CR1: variants seen among roughly 807,000 people sequenced by gnomAD.
CR1 encodes complement receptor type 1.
Under a neutral mutation model 187.3 loss-of-function variants are expected in CR1, and 116 were observed. That is an observed-to-expected ratio of 0.62 (90% CI 0.53 to 0.72). The LOEUF (loss-of-function observed/expected upper bound fraction) is 0.72, where lower values mean the gene tolerates loss of function less well. Ranked by LOEUF, CR1 falls within the 30% of genes least tolerant of loss-of-function variation. The probability of loss-of-function intolerance (pLI) is 0.00; values close to 1 mark genes in which losing one functional copy is unlikely to be tolerated. For missense variants in CR1, 1,731 were observed against 2,110.7 expected (o/e 0.82, Z 3.52); for synonymous variants, 576 against 747.1 (o/e 0.77, Z 3.73).
At chr1:207,518,076 T>C (rs1030684255) in intron 4 of CR1, among the ~76,000 whole-genome samples, 2 of 152,214 alleles carry the variant, frequency 1.3e-5, no homozygotes, top group Admixed American at 1.3e-4. Flanking sequence ...TTTATTTTTC[T>C]AATATGTACA....
intron 28 of CR1, among the ~76,000 whole-genome samples, chr1:207,576,373 C>T (rs1558241084): frequency 1.3e-5 from 2 of 152,142 alleles, no homozygotes; most frequent in Non-Finnish European, 2.9e-5. Context: ...CGAGATTGGG[C>T]GCATTCAGGG....
intron 45 of CR1, among the ~76,000 whole-genome samples, chr1:207,626,749 A>G (rs369937565): frequency 3.3e-5 from 5 of 152,278 alleles, no homozygotes; most frequent in Middle Eastern, 3.4e-3. Flanking sequence ...CTAAGAAACT[A>G]AAATGAGGCT....
chr1:207,592,307 C>T (rs1421064145), intron 35 of CR1, among the ~76,000 whole-genome samples: 1 of 152,158 alleles, frequency 6.6e-6, no homozygotes, highest in African/African-American at 2.4e-5. Flanking sequence ...AATCAATAAA[C>T]GTAATCCATC....
chr1:207,596,117 G>C (rs1469082498), intron 35 of CR1, among the ~76,000 whole-genome samples: 4 of 149,772 alleles, frequency 2.7e-5, no homozygotes, highest in African/African-American at 7.3e-5. Flanking sequence ...ATAATCAGAA[G>C]GGCGAAACCA....
At chr1:207,636,020 T>C (rs889332363) in intron 46 of CR1, among the ~76,000 whole-genome samples, 1 of 152,142 alleles carries the variant, frequency 6.6e-6, no homozygotes, top group Non-Finnish European at 1.5e-5. Flanking sequence ...GAGTCTCCTA[T>C]GTCTACTTCT....
At chr1:207,625,899 G>A (rs1662466382) in intron 45 of CR1, among the ~76,000 whole-genome samples, 1 of 152,150 alleles carries the variant, frequency 6.6e-6, no homozygotes, top group East Asian at 1.9e-4. Context: ...GGAGCAATTA[G>A]GGAAGTCACA....
intron 45 of CR1, among the ~76,000 whole-genome samples, chr1:207,623,776 C>T (rs1662393594): frequency 1.3e-5 from 2 of 152,084 alleles, no homozygotes; most frequent in South Asian, 4.1e-4. Context: ...CAGATCCTAT[C>T]ATAGCACTAG....
At chr1:207,588,919 G>T (rs934957285) in intron 35 of CR1, 145 bp downstream of exon 35, 2 of 610,498 alleles carry the variant, frequency 3.3e-6, no homozygotes, top group African/African-American at 3.7e-5. Context: ...TGATACGTTG[G>T]ACATAGCCAT....
At chr1:207,592,974 G>A (rs970935061) in intron 35 of CR1, among the ~76,000 whole-genome samples, 3 of 149,674 alleles carry the variant, frequency 2.0e-5, no homozygotes, top group African/African-American at 7.4e-5. Flanking sequence ...AACATTTCAC[G>A]ATTGTGGATA....
chr1:207,496,922 C>G (rs1375030769), intron 1 of CR1, among the ~76,000 whole-genome samples: 2 of 152,150 alleles, frequency 1.3e-5, no homozygotes, highest in Admixed American at 1.3e-4. Flanking sequence ...CTATGTGTCC[C>G]CGAGTCCATT....
intron 35 of CR1, among the ~76,000 whole-genome samples, chr1:207,596,155 A>C (rs2102365706): frequency 1.3e-5 from 2 of 151,426 alleles, no homozygotes; most frequent in South Asian, 4.1e-4. Context: ...AAGAGGGGTG[A>C]GAGAAACAAG....
intron 41 of CR1, among the ~76,000 whole-genome samples, chr1:207,617,507 ATGTGTGTGTGTGTGTGTGTGTGTG>A (rs1167357538): frequency 2.1e-5 from 1 of 47,010 alleles, no homozygotes; most frequent in African/African-American, 6.3e-5. Context: ...ATATATATAT[ATGTGTGTGTGTGTGTGTGTGTGTG>A]TGTGTGTATG....
At chr1:207,582,300 T>A (rs1445567474) in intron 32 of CR1, among the ~76,000 whole-genome samples, 1 of 152,216 alleles carries the variant, frequency 6.6e-6, no homozygotes, top group Non-Finnish European at 1.5e-5. Flanking sequence ...TTCTTTCCTG[T>A]CAAAAGTAAT....
intron 35 of CR1, chr1:207,606,019 CAAACAT>C (rs1022606634): frequency 5.3e-5 from 8 of 152,160 alleles, no homozygotes; most frequent in African/African-American, 1.9e-4. Flanking sequence ...AACAGGATCT[CAAACAT>C]AGATAGTAGT....
In CR1 at chr1:207,630,604, A is replaced by G; in HGVS notation, c.7440A>G (p.Thr2480=). Residue 2480 remains threonine, a synonymous_variant, in exon 46 of 47, where the codon ACA becomes ACG. Transcript: ENST00000367049. ...GCGTTCATCCCCGAACTCTGCAAAC[A>G]AATGAAGAAAATAGCAGGTACCTAT... The part of the protein sequence containing the change: ...GSSVHPRTLQ[T]NEENSRVLP 2 of 1,601,456 alleles carry G rather than the reference A, an allele frequency of 1.2e-6. No homozygotes were observed. Among genetic ancestry groups the G allele is most frequent in the Non-Finnish European group, 1.7e-6 (2 of 1,174,764 alleles).
At chr1:207,633,043 TA>T (rs905037939) in intron 46 of CR1, among the ~76,000 whole-genome samples, 2 of 152,172 alleles carry the variant, frequency 1.3e-5, no homozygotes, top group Non-Finnish European at 2.9e-5. Flanking sequence ...GAGTTCATTT[TA>T]AAAATATTCC....
chr1:207,611,176 T>C (rs1311977780), intron 37 of CR1, among the ~76,000 whole-genome samples: 1 of 152,128 alleles, frequency 6.6e-6, no homozygotes, highest in Non-Finnish European at 1.5e-5. Context: ...GAATTAGGAC[T>C]GGTCACAGGG....
At chr1:207,604,347 G>T (rs966826499) in intron 35 of CR1, among the ~76,000 whole-genome samples, 1 of 152,044 alleles carries the variant, frequency 6.6e-6, no homozygotes, top group Non-Finnish European at 1.5e-5. Context: ...TAATTATTCA[G>T]TTTTATCAGT....
chr1:207,518,387 A>G (rs1659867870), intron 4 of CR1, among the ~76,000 whole-genome samples: 1 of 152,238 alleles, frequency 6.6e-6, no homozygotes, highest in Non-Finnish European at 1.5e-5. Context: ...AATGTCATTT[A>G]GGAAAATGTG....
Sources: gnomAD v4.1 joint callset for allele counts (sites outside exome capture counted in the v4.1 genomes callset) on GRCh38, gnomAD v4.1.1 for gene constraint, MANE v1.5 for transcripts, NCBI Gene and HGNC (gene_info 2026-07-23, HGNC 2026-07-21) for gene names.